Variants in FBXW11 observed in about 807,000 individuals in gnomAD.
FBXW11 encodes the protein F-box/WD repeat-containing protein 11.
A neutral mutation model predicts 77.6 loss-of-function variants in FBXW11; 19 were observed. The observed-to-expected ratio is 0.24, with a 90% CI of 0.17 to 0.36. FBXW11 has a LOEUF of 0.36. Among genes scored for constraint, FBXW11 ranks in the 10% least tolerant of loss-of-function variants. FBXW11 has a pLI of 1.00. For missense variants in FBXW11, 334 were observed against 704.2 expected (o/e 0.47, Z 5.95); for synonymous variants, 235 against 249.4 (o/e 0.94, Z 0.54).
At chr5:171,871,548 C>A (rs1757754370) in intron 10 of FBXW11, among the ~76,000 whole-genome samples, 1 of 152,166 alleles carries the variant, frequency 6.6e-6, no homozygotes, top group Non-Finnish European at 1.5e-5. Flanking sequence ...GAAATATAAA[C>A]CCATTGACAA....
chr5:171,952,235 A>G (rs1763356742), intron 2 of FBXW11, among the ~76,000 whole-genome samples: 1 of 151,516 alleles, frequency 6.6e-6, no homozygotes, highest in Non-Finnish European at 1.5e-5. Context: ...GGAGGAAGTA[A>G]GGCCCTAAAA....
At chr5:171,903,592 A>G (rs185725112) in intron 4 of FBXW11, among the ~76,000 whole-genome samples, 2 of 152,208 alleles carry the variant, frequency 1.3e-5, no homozygotes, top group African/African-American at 4.8e-5. Context: ...TAGCTCTTTC[A>G]ATCTTTCTAA....
intron 1 of FBXW11, among the ~76,000 whole-genome samples, chr5:172,002,199 A>G (rs1402840022): frequency 2.0e-5 from 3 of 152,180 alleles, no homozygotes; most frequent in African/African-American, 7.2e-5. Context: ...AATCTATGTA[A>G]TGGCTGAGTG....
At chr5:171,997,082 C>G in intron 1 of FBXW11, 2 of 1,289,134 alleles carry the variant, frequency 1.6e-6, no homozygotes, top group South Asian at 1.2e-5. Flanking sequence ...ATCCATACAC[C>G]CACCATGGCA....
intron 1 of FBXW11, among the ~76,000 whole-genome samples, chr5:171,970,785 A>AC (rs1477231586): frequency 6.6e-6 from 1 of 152,240 alleles, no homozygotes; most frequent in Non-Finnish European, 1.5e-5. Flanking sequence ...ATTTTACAGT[A>AC]AAGTTTACAC....
intron 2 of FBXW11, among the ~76,000 whole-genome samples, chr5:171,952,445 ATATTT>A (rs1283063678): frequency 8.3e-4 from 8 of 9,590 alleles, no homozygotes; most frequent in African/African-American, 2.2e-3. Flanking sequence ...ATATATATAT[ATATTT>A]TTTTTTTTTT....
At chr5:171,962,992 TC>T (rs930657376) in intron 1 of FBXW11, among the ~76,000 whole-genome samples, 2 of 152,138 alleles carry the variant, frequency 1.3e-5, no homozygotes, top group Admixed American at 1.3e-4. Context: ...TTAATCCACT[TC>T]CCACAGAATC....
rs1284370076 is a variant in FBXW11 at position 171,863,464 on chromosome 5, AAG to A, written c.*661_*662del. 6.5e-6 allele frequency: 1 copy of A among 152,726 alleles called. No homozygotes were observed. The highest frequency in any genetic ancestry group is 6.5e-5 in the Admixed American group (1 of 15,304). The allele number at this position is 152,726 out of a possible 1,614,324, so 9.5% of individuals were successfully genotyped here. ...GGGACAGAGAACAGTTAATAAAAGA[AAG>A]AGCTATATTACCTGTTGGTAGATAA... On this transcript the variant is annotated 3_prime_UTR_variant, in exon 14 of 14. Transcript: ENST00000517395.
chr5:171,902,800 G>C (rs983258149), intron 4 of FBXW11, among the ~76,000 whole-genome samples: 5 of 152,126 alleles, frequency 3.3e-5, no homozygotes, highest in Non-Finnish European at 5.9e-5. Context: ...ATGTATTTAG[G>C]CCTACTTGTC....
At chr5:171,955,573 T>A (rs1191091312) in intron 2 of FBXW11, among the ~76,000 whole-genome samples, 1 of 152,170 alleles carries the variant, frequency 6.6e-6, no homozygotes, top group African/African-American at 2.4e-5. Context: ...AATACTTAAA[T>A]GAGTACAGAG....
intron 2 of FBXW11, among the ~76,000 whole-genome samples, chr5:171,930,745 AAT>A (rs1352054498): frequency 1.3e-4 from 13 of 101,406 alleles, no homozygotes; most frequent in African/African-American, 5.0e-4. Context: ...AAAAATAAAA[AAT>A]AAAAAATAAA....
At chr5:171,951,163 T>C (rs910047345) in intron 2 of FBXW11, among the ~76,000 whole-genome samples, 1 of 150,312 alleles carries the variant, frequency 6.7e-6, no homozygotes, top group East Asian at 2.0e-4. Flanking sequence ...ACATATGCAA[T>C]GAAATCACTG....
Position 171,868,597 on chromosome 5 carries a change from G to C in FBXW11, c.*25+13C>G, listed in dbSNP as rs201693260. 2.5e-6 allele frequency: 4 copies of C among 1,593,672 alleles called. No individual in the cohort carries two copies. In the East Asian group the frequency reaches 9.0e-5, roughly 36 times the overall value. The stretch of plus-strand genomic sequence containing the variant: ...CAATCAGCAAAATTGGAAGGGGAGA[G>C]GATAGTACTCACCTGAAACGGGTGA... On this transcript the variant is annotated intron_variant, in intron 13 of 13. Transcript: ENST00000517395.
At chr5:171,880,382 C>G (rs535331445) in intron 7 of FBXW11, among the ~76,000 whole-genome samples, 1 of 152,312 alleles carries the variant, frequency 6.6e-6, no homozygotes, top group Admixed American at 6.5e-5. Flanking sequence ...AGTGTTAGTC[C>G]TCTGTCTTTA....
intron 9 of FBXW11, among the ~76,000 whole-genome samples, chr5:171,874,708 ATGCTAAACACAAGC>A (rs1488098891): frequency 6.8e-6 from 1 of 148,002 alleles, no homozygotes; most frequent in South Asian, 2.2e-4. Flanking sequence ...GTTCCTCAAA[ATGCTAAACACAAGC>A]CTGGGTGACA....
chr5:171,883,450 C>T lies in FBXW11; in HGVS notation c.853-5321G>A, dbSNP rs6876037. On this transcript the variant is annotated intron_variant, in intron 7 of 13. Coordinates refer to ENST00000517395, the MANE Select transcript of FBXW11 (RefSeq NM_001378974.1). ...TTAAATGACGAGTTAATGGGTGCAG[C>T]ACACCAACATGGCACATGTATACAT... Among the ~76,000 whole-genome samples the T allele has an allele frequency of 3.6e-3, 552 of 152,236 alleles. 8 individuals carry two copies. Among genetic ancestry groups the T allele is most frequent in the Admixed American group, 0.015 (228 of 15,294 alleles).
At chr5:171,956,905 C>A (rs932415440) in intron 2 of FBXW11, among the ~76,000 whole-genome samples, 13 of 152,222 alleles carry the variant, frequency 8.5e-5, no homozygotes, top group Non-Finnish European at 1.6e-4. Flanking sequence ...GCCACCCCAA[C>A]AAGAGAGGGT....
At chr5:171,993,181 G>A (rs961572435) in intron 1 of FBXW11, among the ~76,000 whole-genome samples, 2 of 151,932 alleles carry the variant, frequency 1.3e-5, no homozygotes, top group Admixed American at 6.6e-5. Context: ...GCCAACAGAC[G>A]TCTTACTTCC....
intron 7 of FBXW11, among the ~76,000 whole-genome samples, chr5:171,889,441 T>G (rs1316471753): frequency 6.6e-6 from 1 of 150,462 alleles, no homozygotes; most frequent in East Asian, 2.0e-4. Context: ...GGCACAAGTA[T>G]TGCTTGAACC....
Sources: gnomAD v4.1 joint callset for allele counts (sites outside exome capture counted in the v4.1 genomes callset) on GRCh38, gnomAD v4.1.1 for gene constraint, MANE v1.5 for transcripts, NCBI Gene and HGNC (gene_info 2026-07-23, HGNC 2026-07-21) for gene names.